Variants in MAP2 observed in about 807,000 individuals in gnomAD.
The protein encoded by MAP2 is microtubule associated protein 2.
A neutral mutation model predicts 137.6 loss-of-function variants in MAP2; 14 were observed. The ratio of observed to expected loss-of-function variants is 0.10; its 90% confidence interval spans 0.07 to 0.16. The LOEUF is 0.16. Among genes scored for constraint, MAP2 ranks in the 10% least tolerant of loss-of-function variants. The pLI is 1.00. For missense variants in MAP2, 2,088 were observed against 2,191.5 expected (o/e 0.95, Z 0.94); for synonymous variants, 786 against 782.3 (o/e 1.00, Z -0.08).
At chr2:209,717,620 T>C (rs1188798879) in intron 13 of MAP2, among the ~76,000 whole-genome samples, 1 of 152,182 alleles carries the variant, frequency 6.6e-6, no homozygotes, top group Non-Finnish European at 1.5e-5. Flanking sequence ...TGGTTACCAC[T>C]ATGAAGGTCT....
intron 2 of MAP2, among the ~76,000 whole-genome samples, chr2:209,560,249 T>C (rs576424014): frequency 6.6e-6 from 1 of 152,350 alleles, no homozygotes; most frequent in East Asian, 1.9e-4. Flanking sequence ...TTGTGATACA[T>C]TGAAATCTTT....
At chr2:209,469,444 TA>T (rs1705081231) in intron 1 of MAP2, among the ~76,000 whole-genome samples, 2 of 152,222 alleles carry the variant, frequency 1.3e-5, no homozygotes, top group African/African-American at 4.8e-5. Flanking sequence ...TTTTACTTTT[TA>T]AAAACACAAA....
intron 4 of MAP2, among the ~76,000 whole-genome samples, chr2:209,641,889 T>C (rs543107086): frequency 9.9e-5 from 15 of 152,240 alleles, no homozygotes; most frequent in African/African-American, 3.4e-4. Context: ...CAGTTTCATA[T>C]GGTAGGTTGT....
chr2:209,437,345 G>C (rs1031217330), intron 1 of MAP2, among the ~76,000 whole-genome samples: 1 of 151,656 alleles, frequency 6.6e-6, no homozygotes, highest in Non-Finnish European at 1.5e-5. Context: ...AAAATATTCT[G>C]AGAATTAGAA....
At chr2:209,662,478 GTTTTT>G (rs1269313507) in intron 5 of MAP2, among the ~76,000 whole-genome samples, 1 of 152,054 alleles carries the variant, frequency 6.6e-6, no homozygotes, top group East Asian at 1.9e-4. Flanking sequence ...TTTCTAGTTT[GTTTTT>G]AAGTGCAAAT....
In MAP2 at chr2:209,704,080, C is replaced by T. The variant is rs73074707; in HGVS notation, c.4585-1500C>T. ...CATCATCCAAATAGTGAACATAGTT[C>T]CCAATAGGAACTTCCCAATAGGAAG... On this transcript the variant is annotated intron_variant, in intron 11 of 15. Transcript: ENST00000682079. 3,240 of 452,650 alleles carry T rather than the reference C, an allele frequency of 7.2e-3. 97 individuals carry two copies. The highest frequency in any genetic ancestry group is 0.059 in the African/African-American group (2,961 of 49,906). The allele number at this position is 452,650 out of a possible 1,614,324, so 28.0% of individuals were successfully genotyped here. A position where few individuals can be genotyped will look rare whatever the true frequency, so the allele number is the denominator to read the frequency against.
At chr2:209,545,760 T>C (rs777526043) in intron 2 of MAP2, among the ~76,000 whole-genome samples, 17 of 152,224 alleles carry the variant, frequency 1.1e-4, no homozygotes, top group Non-Finnish European at 2.9e-5. Context: ...AGTTATGCTT[T>C]ATAAATTATG....
intron 2 of MAP2, among the ~76,000 whole-genome samples, chr2:209,555,571 G>A (rs746001669): frequency 1.3e-5 from 2 of 152,046 alleles, no homozygotes; most frequent in African/African-American, 2.4e-5. Context: ...AGTAATAAAG[G>A]GGCTTATCTA....
chr2:209,460,176 CAT>C (rs1240751394), intron 1 of MAP2, among the ~76,000 whole-genome samples: 1 of 152,120 alleles, frequency 6.6e-6, no homozygotes, highest in Non-Finnish European at 1.5e-5. Flanking sequence ...TGCATGTGTG[CAT>C]AGTTTCCTCA....
In MAP2 at chr2:209,694,002, C is replaced by T. The variant is rs2153719648; in HGVS notation, c.1832C>T (p.Pro611Leu). 6.2e-7 allele frequency: 1 copy of T among 1,613,908 alleles called. No homozygotes were observed. The highest frequency in any genetic ancestry group is 1.3e-5 in the African/African-American group (1 of 74,994). The change falls in exon 8 of 16, where the codon CCC (proline) becomes CTC (leucine). Residue 611 changes from proline to leucine, a missense_variant. Physicochemically the swap from Pro to Leu is moderately conservative, Grantham distance 98. This residue lies in a region of MAP2 where 859 missense variants were observed against 794.5 expected (regional missense o/e 1.08). Transcript: ENST00000682079. Reference protein sequence around the residue: ...SVHESIDTMSPMHKNGDKEFQ... With the variant: ...SVHESIDTMSLMHKNGDKEFQ... ...CATGAGTCTATTGATACCATGTCTC[C>T]CATGCATAAAAATGGTGACAAGGAG...
intron 2 of MAP2, among the ~76,000 whole-genome samples, chr2:209,522,753 T>G (rs981806092): frequency 2.0e-5 from 3 of 152,174 alleles, no homozygotes; most frequent in Admixed American, 2.0e-4. Flanking sequence ...TTAAATTTTC[T>G]TCATTCAGGG....
intron 5 of MAP2, among the ~76,000 whole-genome samples, chr2:209,673,261 C>G (rs1019013825): frequency 1.2e-4 from 18 of 151,696 alleles, no homozygotes; most frequent in African/African-American, 3.1e-4. Context: ...GATTTGTGAG[C>G]AGATCCAAGT....
In MAP2 at chr2:209,695,490, A is replaced by G. The variant is rs753771903; in HGVS notation, c.3320A>G (p.Glu1107Gly). The G allele has an allele frequency of 5.0e-6, 8 of 1,614,008 alleles. No individual in the cohort carries two copies. The South Asian group carries it at 8.8e-5, about 18-fold the overall frequency. ...GHMKEGTKVSETEVKEKVAKP... is the reference protein window; with the variant it reads ...GHMKEGTKVSGTEVKEKVAKP... ...ATGAAAGAAGGCACTAAAGTTAGTG[A>G]GACAGAAGTCAAAGAGAAGGTGGCC... The change falls in exon 8 of 16, where the codon GAG (glutamate) becomes GGG (glycine). Residue 1107 changes from glutamate (E) to glycine (G), a missense_variant. By Grantham distance (98) the Glu-to-Gly change is moderately conservative. Transcript: ENST00000682079.
intron 2 of MAP2, among the ~76,000 whole-genome samples, chr2:209,566,716 T>TG (rs1553599383): frequency 2.6e-5 from 4 of 152,164 alleles, no homozygotes; most frequent in African/African-American, 9.6e-5. Context: ...TCTTTGTTTT[T>TG]TTGTTGTTGT....
chr2:209,720,989 A>C (rs2070537816), intron 13 of MAP2, among the ~76,000 whole-genome samples: 1 of 151,762 alleles, frequency 6.6e-6, no homozygotes, highest in Non-Finnish European at 1.5e-5. Context: ...TCTCCTTCAC[A>C]GCAGCCACAA....
intron 5 of MAP2, among the ~76,000 whole-genome samples, chr2:209,662,852 A>G (rs1345362200): frequency 1.3e-5 from 2 of 152,130 alleles, no homozygotes; most frequent in Non-Finnish European, 2.9e-5. Flanking sequence ...GAAAAAGAAA[A>G]AAAAGATAAG....
intron 11 of MAP2, among the ~76,000 whole-genome samples, chr2:209,704,973 A>G (rs540258986): frequency 1.1e-4 from 16 of 151,332 alleles, no homozygotes; most frequent in Admixed American, 3.3e-4. Context: ...ATTACATTGT[A>G]TAGAATATAA....
chr2:209,697,539 C>T (rs972676077), intron 10 of MAP2, among the ~76,000 whole-genome samples: 1 of 151,620 alleles, frequency 6.6e-6, no homozygotes, highest in Non-Finnish European at 1.5e-5. Flanking sequence ...GAAAAGCAAG[C>T]CAGGAAGTGA....
At chr2:209,625,681 A>G (rs1050413782) in intron 4 of MAP2, among the ~76,000 whole-genome samples, 1 of 152,182 alleles carries the variant, frequency 6.6e-6, no homozygotes, top group African/African-American at 2.4e-5. Flanking sequence ...ATGTTGTGGT[A>G]GAAATGTCTA....
Sources: gnomAD v4.1 joint callset for allele counts (sites outside exome capture counted in the v4.1 genomes callset) on GRCh38, gnomAD v4.1.1 for gene constraint, gnomAD v4.1.1 regional missense constraint, MANE v1.5 for transcripts, NCBI Gene and HGNC (gene_info 2026-07-23, HGNC 2026-07-21) for gene names.